PREPL: variants seen among roughly 807,000 people sequenced by gnomAD.
PREPL encodes the protein prolyl endopeptidase-like.
Under a neutral mutation model 70.6 loss-of-function variants are expected in PREPL, and 77 were observed. The observed-to-expected ratio is 1.09, with a 90% confidence interval of 0.91 to 1.32. The LOEUF is 1.32. Ranked by LOEUF, PREPL falls within the 40% of genes most tolerant of loss-of-function variation. PREPL has a pLI of 0.00. For missense variants in PREPL, 1,002 were observed against 778.2 expected (o/e 1.29, Z -3.42); for synonymous variants, 315 against 264.8 (o/e 1.19, Z -1.84).
chr2:44,342,315 TG>T, intron 5 of PREPL, 101 bp downstream of exon 5: 1 of 1,095,042 alleles, frequency 9.1e-7, no homozygotes, highest in Non-Finnish European at 1.3e-6. Context: ...TTATTATTCC[TG>T]GTTCCAACCA....
In PREPL at chr2:44,326,785, A is replaced by C. The variant is rs749238316; in HGVS notation, c.1406T>G (p.Phe469Cys). Residue 469 changes from phenylalanine (F) to cysteine (C), a missense_variant, in exon 10 of 14, where the codon TTC (phenylalanine) becomes TGC (cysteine). Coordinates refer to ENST00000409411, the MANE Select transcript of PREPL (RefSeq NM_001171613.2). The part of the protein sequence containing the change: ...SQPSLTTLTA[F>C]SAGGVLAGAL... ...TCCTGCAAGCACCCCTCCAGCACTG[A>C]AAGCAGTCAGGGTTGTTAGACTTGG... The C allele has an allele frequency of 6.8e-6, 11 of 1,614,086 alleles. No homozygotes were observed. Among genetic ancestry groups the C allele is most frequent in the Admixed American group, 1.7e-5 (1 of 60,004 alleles).
intron 10 of PREPL, among the ~76,000 whole-genome samples, chr2:44,324,090 A>C (rs1239097111): frequency 6.6e-6 from 1 of 152,248 alleles, no homozygotes; most frequent in Non-Finnish European, 1.5e-5. Flanking sequence ...ATGGAATATT[A>C]TTCAGCCTTA....
chr2:44,325,710 G>T (rs560896200), intron 10 of PREPL, among the ~76,000 whole-genome samples: 95 of 151,976 alleles, frequency 6.3e-4, no homozygotes, highest in Non-Finnish European at 1.3e-3. Flanking sequence ...TTAAAAAATA[G>T]ACTTACAGGT....
rs1675577778 is a variant in PREPL at position 44,344,558 on chromosome 2, T to A, written c.104A>T (p.Gln35Leu). The A allele has an allele frequency of 6.2e-7, 1 of 1,604,756 alleles. No individual in the cohort carries two copies. Among genetic ancestry groups the A allele is most frequent in the Admixed American group, 1.7e-5 (1 of 59,078 alleles). The stretch of plus-strand genomic sequence containing the variant: ...GGAACGAACCAAGCAACAACCTTCT[T>A]GGTAATAAACAAAACCACCATGTTT... ...EVKHGGFVYY[Q>L]EGCCLVRSKD... The change falls in exon 3 of 14, where the codon CAA (glutamine) becomes CTA (leucine). Residue 35 changes from glutamine to leucine, a missense_variant. Physicochemically the swap from Gln to Leu is moderately radical, Grantham distance 113. Coordinates refer to ENST00000409411, the MANE Select transcript of PREPL (RefSeq NM_001171613.2).
chr2:44,338,459 C>G lies in PREPL; in HGVS notation c.780G>C (p.Val260=), dbSNP rs1286115958. The change falls in exon 7 of 14, where the codon GTG becomes GTC. Residue 260 remains valine (V), a synonymous_variant. Coordinates refer to ENST00000409411, the MANE Select transcript of PREPL (RefSeq NM_001171613.2). ...GATCCTTAAACATGTCCAAGTCTAT[C>G]ACTTTTGTATTTCTCTTCATTGTAA... ...LFFTMKRNTK[V]IDLDMFKDHC... 11 of 1,612,932 alleles carry G rather than the reference C, an allele frequency of 6.8e-6. No individual in the cohort carries two copies. The highest frequency in any genetic ancestry group is 9.3e-6 in the Non-Finnish European group (11 of 1,179,420).
At chr2:44,337,945 C>G (rs1674802938) in intron 7 of PREPL, among the ~76,000 whole-genome samples, 1 of 152,230 alleles carries the variant, frequency 6.6e-6, no homozygotes, top group Admixed American at 6.5e-5. Flanking sequence ...GCTAAAAACA[C>G]AGTGGATACC....
At chr2:44,344,319 C>T (rs572098973) in intron 3 of PREPL, among the ~76,000 whole-genome samples, 2 of 152,054 alleles carry the variant, frequency 1.3e-5, no homozygotes, top group East Asian at 3.9e-4. Flanking sequence ...ATGCTGGATG[C>T]CGTCTCCATT....
intron 6 of PREPL, 60 bp from the exon 7 acceptor site, chr2:44,338,596 G>T: frequency 1.5e-6 from 2 of 1,365,514 alleles, no homozygotes. Context: ...GCAGCATCCA[G>T]AGATGCAATC....
chr2:44,361,715 C>T, upstream of PREPL: 1 of 386,080 alleles, frequency 2.6e-6, no homozygotes, highest in Non-Finnish European at 4.6e-6. Flanking sequence ...GCACAGAAGG[C>T]TAAAACAATG....
At chr2:44,331,949 T>C (rs992852067) in intron 8 of PREPL, among the ~76,000 whole-genome samples, 10 of 22,390 alleles carry the variant, frequency 4.5e-4, no homozygotes, top group Non-Finnish European at 1.2e-3. Flanking sequence ...AAATTTTCTT[T>C]TTTTTTTTTT....
At chr2:44,355,372 C>G (rs1055706473) in intron 1 of PREPL, among the ~76,000 whole-genome samples, 2 of 152,152 alleles carry the variant, frequency 1.3e-5, no homozygotes, top group Non-Finnish European at 2.9e-5. Context: ...CATGGCGAAA[C>G]CCTGTCTCTA....
chr2:44,338,413 G>A lies in PREPL; in HGVS notation c.826C>T (p.His276Tyr), dbSNP rs1456483986. Reference sequence around the variant, plus strand: ...ACATTAACATAAAGGAGATTGCTGTGCTTCAGAAATAGAACACAGTGATCC... The same window carrying A: ...ACATTAACATAAAGGAGATTGCTGTACTTCAGAAATAGAACACAGTGATCC... ...FKDHCVLFLK[H>Y]SNLLYVNVIG... The change falls in exon 7 of 14, where the codon CAC becomes TAC. Residue 276 changes from histidine (H) to tyrosine (Y), a missense_variant. Coordinates refer to ENST00000409411, the MANE Select transcript of PREPL (RefSeq NM_001171613.2). 1 of 1,613,632 alleles carries A rather than the reference G, an allele frequency of 6.2e-7. No individual in the cohort carries two copies.
chr2:44,351,929 A>G (rs1161917405), intron 1 of PREPL, among the ~76,000 whole-genome samples: 1 of 152,206 alleles, frequency 6.6e-6, no homozygotes, highest in East Asian at 1.9e-4. Context: ...ATGGTCTACA[A>G]AGTCCTAAAG....
chr2:44,327,353 A>G (rs1161807923), intron 9 of PREPL, among the ~76,000 whole-genome samples: 1 of 152,208 alleles, frequency 6.6e-6, no homozygotes, highest in African/African-American at 2.4e-5. Context: ...AAGTGTATTT[A>G]AGGTATTACA....
rs3197473 is a variant in PREPL, at chr2:44,320,003, A to C, written c.*1353T>G. ...ACTTATTGACTCCCAGACAAGCCGA[A>C]ACCCCGAATTTGTCATTTCTATCAG... On this transcript the variant is annotated 3_prime_UTR_variant, in exon 14 of 14. Coordinates refer to ENST00000409411, the MANE Select transcript of PREPL (RefSeq NM_001171613.2). The C allele has an allele frequency of 1.7e-6, 1 of 584,086 alleles. No homozygotes were observed. The highest frequency in any genetic ancestry group is 1.9e-5 in the African/African-American group (1 of 53,538). The allele number at this position is 584,086 out of a possible 1,614,324, so 36.2% of individuals were successfully genotyped here.
Position 44,319,073 on chromosome 2 carries a change from G to A in PREPL, c.*2283C>T, listed in dbSNP as rs1193243081. The A allele has an allele frequency of 6.6e-6, 1 of 152,438 alleles. No homozygotes were observed. The highest frequency in any genetic ancestry group is 1.5e-5 in the Non-Finnish European group (1 of 68,034). The allele number at this position is 152,438 out of a possible 1,614,324, so 9.4% of individuals were successfully genotyped here. On this transcript the variant is annotated 3_prime_UTR_variant, in exon 14 of 14. Transcript: ENST00000409411. ...TGCATTACCTAAGGCTAGAGAAAAT[G>A]TTAATAACTTAGACAAGTCATACAT...
At chr2:44,346,185 A>G (rs746416646) in intron 2 of PREPL, 83 bp downstream of exon 2, 6 of 1,311,748 alleles carry the variant, frequency 4.6e-6, no homozygotes, top group Non-Finnish European at 6.4e-6. Context: ...GATGTGGACT[A>G]TGTCTCTAAA....
chr2:44,351,240 C>T (rs1408179859), intron 1 of PREPL, among the ~76,000 whole-genome samples: 2 of 152,010 alleles, frequency 1.3e-5, no homozygotes, highest in Non-Finnish European at 1.5e-5. Context: ...TGGCATCTCC[C>T]TGGCTTTTTA....
Position 44,323,320 on chromosome 2 carries a change from T to A in PREPL, c.1571A>T (p.Asp524Val), listed in dbSNP as rs547905183. Residue 524 changes from aspartate (D) to valine (V), a missense_variant, in exon 11 of 14, where the codon GAT becomes GTT. By Grantham distance (152) the Asp-to-Val change is radical (BLOSUM62 -3). Coordinates refer to ENST00000409411, the MANE Select transcript of PREPL (RefSeq NM_001171613.2). ...ELEEWGNPSSDEKHKNYIKRY... is the reference protein window; with the variant it reads ...ELEEWGNPSSVEKHKNYIKRY... ...TTTTATGTAGTTCTTGTGTTTTTCA[T>A]CAGATGAAGGATTCCCCCATTCTTC... 2 of 1,607,568 alleles carry A rather than the reference T, an allele frequency of 1.2e-6. No homozygotes were observed. The highest frequency in any genetic ancestry group is 2.2e-5 in the East Asian group (1 of 44,760).
Sources: gnomAD v4.1 joint callset for allele counts (sites outside exome capture counted in the v4.1 genomes callset) on GRCh38, gnomAD v4.1.1 for gene constraint, MANE v1.5 for transcripts, NCBI Gene and HGNC (gene_info 2026-07-23, HGNC 2026-07-21) for gene names.